The following DROSHA variants were observed in gnomAD, a reference collection of about 807,000 sequenced individuals.
DROSHA encodes ribonuclease 3.
In DROSHA, 56 loss-of-function variants were observed where a neutral mutation model predicts 181.9. The ratio of observed to expected loss-of-function variants is 0.31; its 90% CI spans 0.25 to 0.38. DROSHA has a LOEUF of 0.38. Ranked by LOEUF, DROSHA falls within the 10% of genes least tolerant of loss-of-function variation. The pLI, the probability that DROSHA is intolerant of heterozygous loss-of-function variation, is 1.00. For missense variants in DROSHA, 1,218 were observed against 1,743.5 expected, an observed-to-expected ratio of 0.70 and a Z score of 5.37; for synonymous variants, 524 against 591.2, an observed-to-expected ratio of 0.89 and a Z score of 1.65.
intron 18 of DROSHA, 155 bp downstream of exon 18, chr5:31,467,784 A>T: frequency 1.1e-6 from 1 of 952,316 alleles, no homozygotes; most frequent in Non-Finnish European, 1.5e-6. Flanking sequence ...AGGAGCTACC[A>T]CAATTGTTTC....
At chr5:31,498,065 A>G (rs561857132) in intron 11 of DROSHA, among the ~76,000 whole-genome samples, 2 of 152,272 alleles carry the variant, frequency 1.3e-5, no homozygotes, top group East Asian at 3.9e-4. Flanking sequence ...AGTTTAAACT[A>G]TTCTTGTAAG....
intron 33 of DROSHA, among the ~76,000 whole-genome samples, chr5:31,408,411 C>T (rs1740902575): frequency 6.6e-6 from 1 of 152,174 alleles, no homozygotes; most frequent in South Asian, 2.1e-4. Flanking sequence ...CTTAATCAAC[C>T]TATGTGTGTC....
chr5:31,524,636 G>A (rs1357781473), intron 5 of DROSHA, among the ~76,000 whole-genome samples: 1 of 152,120 alleles, frequency 6.6e-6, no homozygotes, highest in African/African-American at 2.4e-5. Flanking sequence ...TGGGATAACA[G>A]ACTCACACCC....
chr5:31,464,388 C>G, intron 19 of DROSHA, 45 bp from the exon 20 acceptor site: 1 of 1,545,600 alleles, frequency 6.5e-7, no homozygotes, highest in Non-Finnish European at 8.9e-7. Flanking sequence ...TGCTATAAAG[C>G]AATAGTAAGC....
chr5:31,421,371 G>A lies in DROSHA; in HGVS notation c.3426C>T (p.His1142=), dbSNP rs910687793. 1.9e-6 allele frequency: 3 copies of A among 1,611,696 alleles called. No homozygotes were observed. Among genetic ancestry groups the A allele is most frequent in the Non-Finnish European group, 2.5e-6 (3 of 1,178,290 alleles). ...CACCTAGGAATTCCATTCTCTGATT[G>A]TGGCCTCTGGAAAAAGAAACATCAA... ...TVGFNHLTLG[H]NQRMEFLGDS... Residue 1142 remains histidine (H), a synonymous_variant, in exon 30 of 36, where the codon CAC becomes CAT. Transcript: ENST00000344624.
chr5:31,502,959 G>A (rs1280021388), intron 11 of DROSHA, among the ~76,000 whole-genome samples: 2 of 152,156 alleles, frequency 1.3e-5, no homozygotes, highest in Admixed American at 6.5e-5. Flanking sequence ...ATGCTTGCTG[G>A]TCAGGGGCCT....
Position 31,401,265 on chromosome 5 carries a change from C to T in DROSHA, c.*167G>A, listed in dbSNP as rs1249339538. On this transcript the variant is annotated 3_prime_UTR_variant, in exon 36 of 36. Transcript: ENST00000344624. ...AAAATCTAATACTTTGTAATAAAGA[C>T]CATCCAGCTAAAAACAGATCATTAA... 4.3e-6 allele frequency: 4 copies of T among 936,756 alleles called. No individual in the cohort carries two copies. Among genetic ancestry groups the T allele is most frequent in the Admixed American group, 2.0e-5 (1 of 49,776 alleles). The allele number at this position is 936,756 out of a possible 1,614,324, so 58.0% of individuals were successfully genotyped here.
At chr5:31,484,204 T>C (rs892661730) in intron 15 of DROSHA, among the ~76,000 whole-genome samples, 1 of 151,726 alleles carries the variant, frequency 6.6e-6, no homozygotes, top group Non-Finnish European at 1.5e-5. Flanking sequence ...ATCCCGTCTC[T>C]ACTAAAAATA....
Position 31,431,595 on chromosome 5 carries a change from A to G in DROSHA, c.3126T>C (p.Asn1042=). ...AATTACCTATTAACGCTTCAAAACAATTGGCCATTGCATGTCGAAGGTCCG... is the reference window on the plus strand; with the variant it reads ...AATTACCTATTAACGCTTCAAAACAGTTGGCCATTGCATGTCGAAGGTCCG... ...RESDLRHAMA[N]CFEALIGAVY... is the part of the protein sequence containing the mutation. The change falls in exon 26 of 36, where the codon AAT becomes AAC. Residue 1042 remains asparagine (N), a synonymous_variant. Transcript: ENST00000344624. The G allele has an allele frequency of 6.2e-7, 1 of 1,613,936 alleles. No individual in the cohort carries two copies. The highest frequency in any genetic ancestry group is 8.5e-7 in the Non-Finnish European group (1 of 1,179,862).
intron 25 of DROSHA, 48 bp from the exon 26 acceptor site, chr5:31,431,726 T>C (rs1333699584): frequency 6.3e-7 from 1 of 1,575,666 alleles, no homozygotes; most frequent in African/African-American, 1.3e-5. Context: ...TGCCAAAATC[T>C]TAACTATAGT....
intron 9 of DROSHA, 29 bp downstream of exon 9, chr5:31,511,006 T>A: frequency 6.2e-7 from 1 of 1,612,680 alleles, no homozygotes; most frequent in African/African-American, 1.3e-5. Flanking sequence ...ATCGCAAGGG[T>A]CTCAGGCTAG....
At chr5:31,426,305 AG>A (rs1404862059) in intron 27 of DROSHA, among the ~76,000 whole-genome samples, 1 of 152,112 alleles carries the variant, frequency 6.6e-6, no homozygotes, top group Non-Finnish European at 1.5e-5. Context: ...CAAGGACCTT[AG>A]GCAAGGTCTC....
chr5:31,401,384 A>G lies in DROSHA; in HGVS notation c.*48T>C. Reference sequence around the variant, plus strand: ...ACTAGGCTAGGTCTCAATAGACAACAGTCACAGTTACTGAGCAAGTAAATA... The same window carrying G: ...ACTAGGCTAGGTCTCAATAGACAACGGTCACAGTTACTGAGCAAGTAAATA... On this transcript the variant is annotated 3_prime_UTR_variant, in exon 36 of 36. Coordinates refer to ENST00000344624, the MANE Select transcript of DROSHA (RefSeq NM_001382508.1). The G allele has an allele frequency of 3.1e-6, 5 of 1,599,628 alleles. No homozygotes were observed. Among genetic ancestry groups the G allele is most frequent in the Non-Finnish European group, 4.3e-6 (5 of 1,170,654 alleles).
chr5:31,403,229 A>G (rs1740243395), intron 35 of DROSHA, among the ~76,000 whole-genome samples: 1 of 152,264 alleles, frequency 6.6e-6, no homozygotes, highest in South Asian at 2.1e-4. Context: ...TAAGCTGTAA[A>G]GCAAGTTTCT....
At chr5:31,453,318 C>T (rs962493287) in intron 20 of DROSHA, among the ~76,000 whole-genome samples, 12 of 152,162 alleles carry the variant, frequency 7.9e-5, no homozygotes, top group African/African-American at 2.9e-4. Flanking sequence ...ACCTCAGCCA[C>T]CAAACCCCAG....
chr5:31,417,788 G>A (rs548507822), intron 30 of DROSHA, among the ~76,000 whole-genome samples: 35 of 152,266 alleles, frequency 2.3e-4, no homozygotes, highest in South Asian at 1.0e-3. Context: ...GGCTGGTGTC[G>A]TCACAGTGTA....
At chr5:31,485,635 T>A (rs867892026) in intron 14 of DROSHA, among the ~76,000 whole-genome samples, 2 of 136,030 alleles carry the variant, frequency 1.5e-5, no homozygotes, top group Non-Finnish European at 1.5e-5. Flanking sequence ...AAAAGGAAGT[T>A]AAAAAAAAAA....
chr5:31,408,702 C>A (rs1331903697), intron 33 of DROSHA: 1 of 203,580 alleles, frequency 4.9e-6, no homozygotes, highest in Non-Finnish European at 1.0e-5. Context: ...CACAGCCCAG[C>A]AGAAGTTACA....
At chr5:31,406,036 AC>A (rs1409429939) in intron 34 of DROSHA, among the ~76,000 whole-genome samples, 1 of 151,998 alleles carries the variant, frequency 6.6e-6, no homozygotes, top group African/African-American at 2.4e-5. Flanking sequence ...AAGTTTGAAT[AC>A]CCTCACTGTA....
Sources: gnomAD v4.1 joint callset for allele counts (sites outside exome capture counted in the v4.1 genomes callset) on GRCh38, gnomAD v4.1.1 for gene constraint, MANE v1.5 for transcripts, NCBI Gene and HGNC (gene_info 2026-07-23, HGNC 2026-07-21) for gene names.